FUBP3: variants seen among roughly 807,000 people sequenced by gnomAD.
FUBP3 encodes the protein far upstream element-binding protein 3.
FUBP3 carries 28 observed loss-of-function variants against 85.6 expected under a neutral mutation model. The ratio of observed to expected loss-of-function variants is 0.33; its 90% CI spans 0.24 to 0.45. The LOEUF (loss-of-function observed/expected upper bound fraction) is 0.45. Ranked by LOEUF, FUBP3 falls within the 20% of genes least tolerant of loss-of-function variation. The probability of loss-of-function intolerance (pLI) is 1.00; values close to 1 mark genes in which losing one functional copy is unlikely to be tolerated. For synonymous variants in FUBP3, 271 were observed against 271.4 expected, an observed-to-expected ratio of 1.00 and a Z score of 0.01; for missense variants, 583 against 755.1, an observed-to-expected ratio of 0.77 and a Z score of 2.67.
At chr9:130,623,424 C>G (rs1200894876) in intron 10 of FUBP3, among the ~76,000 whole-genome samples, 187 bp from the exon 11 acceptor site, 3 of 152,138 alleles carry the variant, frequency 2.0e-5, no homozygotes, top group African/African-American at 7.2e-5. Context: ...CTGAAACATG[C>G]AAAACAATAT....
At chr9:130,633,685 G>A (rs775456249) in intron 16 of FUBP3, among the ~76,000 whole-genome samples, 7 of 152,214 alleles carry the variant, frequency 4.6e-5, no homozygotes, top group Admixed American at 1.3e-4. Flanking sequence ...CCTGCTTGCC[G>A]GCGCCCTCCG....
chr9:130,631,777 TC>T (rs773544309), intron 14 of FUBP3, 147 bp downstream of exon 14: 1 of 828,300 alleles, frequency 1.2e-6, no homozygotes. Context: ...TCACCAGCGG[TC>T]CCTCCGGCCT....
intron 1 of FUBP3, among the ~76,000 whole-genome samples, chr9:130,589,701 ATATATTTTTTTTTT>A (rs1830523917): frequency 3.6e-5 from 1 of 28,036 alleles, no homozygotes; most frequent in Admixed American, 4.9e-4. Context: ...ATATATATAT[ATATATTTTTTTTTT>A]TTTTTTTTTT....
At chr9:130,595,793 C>T (rs1276096956) in intron 2 of FUBP3, among the ~76,000 whole-genome samples, 2 of 152,188 alleles carry the variant, frequency 1.3e-5, no homozygotes, top group Non-Finnish European at 2.9e-5. Context: ...AATCTTTTCG[C>T]TGGGCTCTGA....
At position 130,635,505 on chromosome 9, in the gene FUBP3, G is replaced by A. The variant is rs1446359174; in HGVS notation, c.1583-494G>A. ...ATCGCCAGGTTCATGGCCCTTCTAGGGGTTGGAGGTGGGGGTGTTGAGTCA... is the reference window on the plus strand; with the variant it reads ...ATCGCCAGGTTCATGGCCCTTCTAGAGGTTGGAGGTGGGGGTGTTGAGTCA... On this transcript the variant is annotated intron_variant, in intron 17 of 18. Coordinates refer to ENST00000319725, the MANE Select transcript of FUBP3 (RefSeq NM_003934.2). This position sits in a 1 kb window ranked among gnomAD's most constrained non-coding sequence, Gnocchi z 4.3. Among the ~76,000 whole-genome samples, 1 of 152,116 alleles carries A rather than the reference G, an allele frequency of 6.6e-6. No individual in the cohort carries two copies. The highest frequency in any genetic ancestry group is 1.5e-5 in the Non-Finnish European group (1 of 68,008).
In FUBP3 at chr9:130,626,413, G is replaced by T; in HGVS notation, c.1025G>T (p.Gly342Val). The T allele has an allele frequency of 6.2e-7, 1 of 1,614,034 alleles. No individual in the cohort carries two copies. The highest frequency in any genetic ancestry group is 1.1e-5 in the South Asian group (1 of 91,050). ...GCAGCAGCCAGAGGAAGAGGTCGTG[G>T]CCGTGGCGACTGGAGCGTGGGAGCC... is the stretch of plus-strand genomic sequence containing the variant. Reference protein sequence around the residue: ...GLAAARGRGRGRGDWSVGAPG... With the variant: ...GLAAARGRGRVRGDWSVGAPG... Residue 342 changes from glycine (G) to valine (V), a missense_variant, in exon 12 of 19, where the codon GGC (glycine) becomes GTC (valine). Gly to Val is a moderately radical substitution (Grantham distance 109). Transcript: ENST00000319725.
At chr9:130,583,690 C>G (rs1023102157) in intron 1 of FUBP3, among the ~76,000 whole-genome samples, 2 of 152,098 alleles carry the variant, frequency 1.3e-5, no homozygotes, top group Non-Finnish European at 2.9e-5. Flanking sequence ...ATTGTTGGGA[C>G]CCAGTAGAGT....
chr9:130,610,468 T>G (rs528282093), intron 3 of FUBP3, among the ~76,000 whole-genome samples: 11 of 152,312 alleles, frequency 7.2e-5, no homozygotes, highest in Middle Eastern at 3.4e-3. Context: ...TCCGAAGTGG[T>G]AGGGACTTGC....
intron 1 of FUBP3, among the ~76,000 whole-genome samples, chr9:130,585,165 A>G (rs1000653875): frequency 2.7e-5 from 4 of 150,104 alleles, no homozygotes; most frequent in East Asian, 1.9e-4. Context: ...GTCTCAAAAG[A>G]AAAAAAAAGA....
Position 130,598,478 on chromosome 9 carries a change from C to T in FUBP3, c.190+2890C>T, listed in dbSNP as rs118043085. Among the ~76,000 whole-genome samples the T allele has an allele frequency of 1.3e-3, 201 of 152,326 alleles. 1 individual carries two copies. Among genetic ancestry groups the T allele is most frequent in the Non-Finnish European group, 2.3e-3 (155 of 68,036 alleles). ...CGTTAGTGAGGTGTGTGCACAGAGGCAGACAACTTAGTTTTGTTTTTACGT... is the reference window on the plus strand; with the variant it reads ...CGTTAGTGAGGTGTGTGCACAGAGGTAGACAACTTAGTTTTGTTTTTACGT... On this transcript the variant is annotated intron_variant, in intron 2 of 18. Transcript: ENST00000319725.
At chr9:130,613,974 C>T (rs1247073960) in intron 5 of FUBP3, among the ~76,000 whole-genome samples, 1 of 152,150 alleles carries the variant, frequency 6.6e-6, no homozygotes, top group Non-Finnish European at 1.5e-5. Flanking sequence ...AGGAATAGCA[C>T]GATAAAGTGA....
chr9:130,583,432 G>A (rs1200600146), intron 1 of FUBP3, among the ~76,000 whole-genome samples: 2 of 152,268 alleles, frequency 1.3e-5, no homozygotes, highest in African/African-American at 2.4e-5. Flanking sequence ...TCATTGGCCA[G>A]TGGGTTCGCC....
chr9:130,626,637 T>A, intron 12 of FUBP3, 132 bp downstream of exon 12: 2 of 857,990 alleles, frequency 2.3e-6, no homozygotes, highest in Non-Finnish European at 3.6e-6. Flanking sequence ...CTGGAGGCAG[T>A]AGCCACCTTC....
At chr9:130,631,315 G>A in intron 13 of FUBP3, 1 of 1,394,794 alleles carries the variant, frequency 7.2e-7, no homozygotes, top group Non-Finnish European at 9.3e-7. Flanking sequence ...CCCCCAGGGT[G>A]ATGCCAGGGC....
Position 130,616,071 on chromosome 9 carries a change from C to T in FUBP3, c.405-284C>T, listed in dbSNP as rs757796539. ...GAGCAGCTGGCATCCTAATAGGAGACGACACCTTTGTGGAGACACAAGCAT... is the reference window on the plus strand; with the variant it reads ...GAGCAGCTGGCATCCTAATAGGAGATGACACCTTTGTGGAGACACAAGCAT... On this transcript the variant is annotated intron_variant, in intron 6 of 18. Coordinates refer to ENST00000319725, the MANE Select transcript of FUBP3 (RefSeq NM_003934.2). The surrounding 1 kb of genome is among the most constrained non-coding windows in gnomAD (Gnocchi z 4.7). Among the ~76,000 whole-genome samples, 10 of 152,276 alleles carry T rather than the reference C, an allele frequency of 6.6e-5. No homozygotes were observed. Among genetic ancestry groups the T allele is most frequent in the South Asian group, 2.1e-4 (1 of 4,826 alleles).
At position 130,620,370 on chromosome 9, in the gene FUBP3, T is replaced by C; in HGVS notation, c.683T>C (p.Val228Ala). ...TTTATGCAGCAAGCAAGAGAAATGG[T>C]ACTAGAGATTATCCGAGAAAAAGAC... ...AFKVQQAREMVLEIIREKDQA... is the reference protein window; with the variant it reads ...AFKVQQAREMALEIIREKDQA... The change falls in exon 9 of 19, where the codon GTA becomes GCA. Residue 228 changes from valine to alanine, a missense_variant. Physicochemically the swap from Val to Ala is moderately conservative, Grantham distance 64. This residue lies in a region of FUBP3 where 404 missense variants were observed against 516.8 expected (regional missense o/e 0.78). Transcript: ENST00000319725. 1 of 1,596,560 alleles carries C rather than the reference T, an allele frequency of 6.3e-7. No individual in the cohort carries two copies. Among genetic ancestry groups the C allele is most frequent in the Non-Finnish European group, 8.6e-7 (1 of 1,169,178 alleles).
At position 130,634,741 on chromosome 9, in the gene FUBP3, G is replaced by T; in HGVS notation, c.1582+3G>T. 5 of 1,611,458 alleles carry T rather than the reference G, an allele frequency of 3.1e-6. No homozygotes were observed. Among genetic ancestry groups the T allele is most frequent in the Non-Finnish European group, 4.2e-6 (5 of 1,178,162 alleles). ...GGAAGACTATTACAAAAAACAGAGTGAGTGCCCGGCCCTCCTAACCTGTGG... is the reference window on the plus strand; with the variant it reads ...GGAAGACTATTACAAAAAACAGAGTTAGTGCCCGGCCCTCCTAACCTGTGG... On this transcript the variant is annotated splice_donor_region_variant and intron_variant, in intron 17 of 18. Coordinates refer to ENST00000319725, the MANE Select transcript of FUBP3 (RefSeq NM_003934.2).
At chr9:130,597,536 G>T (rs1016076184) in intron 2 of FUBP3, among the ~76,000 whole-genome samples, 16 of 152,182 alleles carry the variant, frequency 1.1e-4, no homozygotes, top group Non-Finnish European at 1.6e-4. Flanking sequence ...AAGACTGTGA[G>T]CCTAGAAGGT....
chr9:130,625,984 G>A (rs1829954868), intron 11 of FUBP3, among the ~76,000 whole-genome samples: 1 of 152,174 alleles, frequency 6.6e-6, no homozygotes, highest in South Asian at 2.1e-4. Context: ...GTATGTGTCC[G>A]CCGCAGGAAA....
Sources: gnomAD v4.1 joint callset for allele counts (sites outside exome capture counted in the v4.1 genomes callset) on GRCh38, gnomAD v4.1.1 for gene constraint, gnomAD v4.1.1 regional missense constraint, Gnocchi (gnomAD v3.1) non-coding constraint, MANE v1.5 for transcripts, NCBI Gene and HGNC (gene_info 2026-07-23, HGNC 2026-07-21) for gene names.